SAMD12: variants seen among roughly 807,000 people sequenced by gnomAD.
SAMD12 encodes the protein sterile alpha motif domain containing 12.
In SAMD12, 9 loss-of-function variants were observed where a neutral mutation model predicts 15.0. The observed-to-expected ratio is 0.60, with a 90% CI of 0.36 to 1.05. SAMD12 has a LOEUF of 1.05. SAMD12 is among the 50% of genes least tolerant of loss of function. The pLI, the probability that SAMD12 is intolerant of heterozygous loss-of-function variation, is 0.01. For synonymous variants in SAMD12, 86 were observed against 90.1 expected (o/e 0.96, Z 0.25); for missense variants, 230 against 234.2 (o/e 0.98, Z 0.12).
intron 4 of SAMD12, among the ~76,000 whole-genome samples, chr8:118,247,095 T>G (rs929171168): frequency 6.6e-6 from 1 of 152,036 alleles, no homozygotes; most frequent in African/African-American, 2.4e-5. Flanking sequence ...AGTAGGACAT[T>G]GTCACTTGCA....
chr8:118,351,007 G>A (rs550598778), intron 4 of SAMD12, among the ~76,000 whole-genome samples: 4 of 152,266 alleles, frequency 2.6e-5, no homozygotes, highest in African/African-American at 9.6e-5. Flanking sequence ...ATATCTCTAT[G>A]ACAATTTCTT....
At chr8:118,600,689 T>C (rs1397936008) in intron 1 of SAMD12, among the ~76,000 whole-genome samples, 1 of 152,190 alleles carries the variant, frequency 6.6e-6, no homozygotes, top group Non-Finnish European at 1.5e-5. Context: ...TTACTAGACA[T>C]CAATAATGTG....
chr8:118,329,280 AT>A (rs1387154652), intron 4 of SAMD12, among the ~76,000 whole-genome samples: 1 of 152,116 alleles, frequency 6.6e-6, no homozygotes, highest in Non-Finnish European at 1.5e-5. Flanking sequence ...GCCTTGGCAA[AT>A]TTTTCTCTTA....
chr8:118,506,130 G>T (rs1266053575), intron 2 of SAMD12, among the ~76,000 whole-genome samples: 2 of 152,244 alleles, frequency 1.3e-5, no homozygotes, highest in Middle Eastern at 3.4e-3. Flanking sequence ...TAGCAGTATG[G>T]ATCAGGAGGC....
intron 4 of SAMD12, among the ~76,000 whole-genome samples, chr8:118,209,397 GT>G (rs1819956038): frequency 6.6e-6 from 1 of 152,174 alleles, no homozygotes; most frequent in Non-Finnish European, 1.5e-5. Context: ...GGGCTGGTGG[GT>G]ACTAATTTCC....
At chr8:118,157,489 G>A in the SAMD12 span, among the ~76,000 whole-genome samples, 2 of 152,094 alleles carry the variant, frequency 1.3e-5, no homozygotes, top group Non-Finnish European at 2.9e-5. Context: ...AATGGCAAAA[G>A]GTTAGCATTG....
chr8:118,537,602 A>G (rs1825880791), intron 2 of SAMD12, among the ~76,000 whole-genome samples: 2 of 152,158 alleles, frequency 1.3e-5, no homozygotes, highest in Admixed American at 1.3e-4. Flanking sequence ...TGCATTTTTC[A>G]GCTCCAAAAT....
intron 3 of SAMD12, among the ~76,000 whole-genome samples, chr8:118,398,838 G>C (rs553707180): frequency 6.6e-6 from 1 of 152,248 alleles, no homozygotes; most frequent in African/African-American, 2.4e-5. Flanking sequence ...AATATGTGCA[G>C]TTTATTGTGT....
chr8:118,590,518 C>T (rs2131278042), intron 1 of SAMD12, among the ~76,000 whole-genome samples: 1 of 152,358 alleles, frequency 6.6e-6, no homozygotes, highest in African/African-American at 2.4e-5. Context: ...GTAGACAGGA[C>T]TTTCACTATT....
At chr8:118,147,732 G>A in the SAMD12 span, among the ~76,000 whole-genome samples, 2 of 151,464 alleles carry the variant, frequency 1.3e-5, no homozygotes, top group African/African-American at 2.4e-5. Flanking sequence ...GCAAAGAAAG[G>A]TTAAACAAAG....
the SAMD12 span, among the ~76,000 whole-genome samples, chr8:118,178,733 T>C: frequency 6.6e-6 from 1 of 152,230 alleles, no homozygotes; most frequent in African/African-American, 2.4e-5. Context: ...CCCAAAGTGC[T>C]GGTTTTACAG....
intron 1 of SAMD12, among the ~76,000 whole-genome samples, chr8:118,619,453 T>C (rs1828333172): frequency 7.7e-6 from 1 of 129,062 alleles, no homozygotes; most frequent in Non-Finnish European, 1.6e-5. Flanking sequence ...TACTCTAGCC[T>C]GGGCGACAGA....
intron 2 of SAMD12, among the ~76,000 whole-genome samples, chr8:118,556,097 A>G (rs990039385): frequency 3.9e-5 from 6 of 152,230 alleles, no homozygotes; most frequent in Non-Finnish European, 5.9e-5. Flanking sequence ...GCACTGAACA[A>G]AGGTCTGGAA....
At chr8:118,161,278 A>G in the SAMD12 span, among the ~76,000 whole-genome samples, 1 of 152,190 alleles carries the variant, frequency 6.6e-6, no homozygotes. Flanking sequence ...GAACTTTATC[A>G]ATATTATAAA....
At chr8:118,250,838 T>C (rs1812804483) in intron 4 of SAMD12, among the ~76,000 whole-genome samples, 1 of 151,814 alleles carries the variant, frequency 6.6e-6, no homozygotes, top group African/African-American at 2.4e-5. Context: ...TCAACAAATG[T>C]TGTTTTCCTC....
chr8:118,187,617 T>C (rs193277259), downstream of SAMD12, among the ~76,000 whole-genome samples: 244 of 152,302 alleles, frequency 1.6e-3, 2 homozygotes, highest in African/African-American at 5.8e-3. Flanking sequence ...TTGATCAAAA[T>C]ATAGCTACAA....
chr8:118,530,194 C>T (rs1223272497), intron 2 of SAMD12, among the ~76,000 whole-genome samples: 2 of 152,048 alleles, frequency 1.3e-5, no homozygotes, highest in Non-Finnish European at 2.9e-5. Context: ...CTGTTCATGT[C>T]CTTTGCCTAC....
intron 4 of SAMD12, among the ~76,000 whole-genome samples, chr8:118,259,815 C>T (rs371313823): frequency 1.3e-5 from 2 of 152,082 alleles, no homozygotes; most frequent in East Asian, 3.9e-4. Flanking sequence ...TTTCACAAAA[C>T]CACCGTTCTT....
At chr8:118,579,524 T>G (rs1327987135) in intron 2 of SAMD12, among the ~76,000 whole-genome samples, 1 of 152,100 alleles carries the variant, frequency 6.6e-6, no homozygotes, top group Non-Finnish European at 1.5e-5. Context: ...ATACTTAATG[T>G]CAACAATTTT....
Sources: allele counts gnomAD v4.1 joint callset (sites outside exome capture counted in the v4.1 genomes callset), GRCh38; gene constraint gnomAD v4.1.1; transcripts MANE v1.5; gene names NCBI Gene and HGNC (gene_info 2026-07-23, HGNC 2026-07-21).